HAUS7: variants seen among roughly 807,000 people sequenced by gnomAD.
HAUS7 encodes HAUS augmin-like complex subunit 7.
A neutral mutation model predicts 28.4 loss-of-function variants in HAUS7; 3 were observed. The ratio of observed to expected loss-of-function variants is 0.11; its 90% CI spans 0.05 to 0.27. The LOEUF (loss-of-function observed/expected upper bound fraction) is 0.27, where lower values mean the gene tolerates loss of function less well. Among genes scored for constraint, HAUS7 ranks in the 10% least tolerant of loss-of-function variants. HAUS7 has a pLI of 1.00. For synonymous variants in HAUS7, 165 were observed against 132.1 expected (o/e 1.25, Z -1.71); for missense variants, 284 against 297.3 (o/e 0.96, Z 0.33).
chrX:153,459,046 C>G (rs2089353461), intron 4 of HAUS7, among the ~76,000 whole-genome samples: 1 of 112,420 alleles, frequency 8.9e-6, no homozygotes. Flanking sequence ...GCATGAGCCA[C>G]CAGGCCCGGC....
At position 153,456,635 on chromosome X, in the gene HAUS7, C is replaced by T; in HGVS notation, c.463G>A (p.Glu155Lys). ...SSCSSLMEHF[E>K]DTREKNEALL... ...GCCTCGTTCTTCTCCCTGGTGTCCT[C>T]GAAGTGCTCCATCAGGCTGCAAAGG... The change falls in exon 6 of 10, where the codon GAG (glutamate) becomes AAG (lysine). Residue 155 changes from glutamate to lysine, a missense_variant. Transcript: ENST00000370211. 1 of 1,179,666 alleles carries T rather than the reference C, an allele frequency of 8.5e-7. No individual in the cohort carries two copies. The highest frequency in any genetic ancestry group is 1.1e-6 in the Non-Finnish European group (1 of 877,858).
intron 3 of HAUS7, chrX:153,463,147 C>T (rs1402587469): frequency 6.1e-6 from 2 of 329,095 alleles, no homozygotes; most frequent in Admixed American, 6.2e-5. Flanking sequence ...GGGAACCTGG[C>T]GCCGTGCACA....
intron 1 of HAUS7, among the ~76,000 whole-genome samples, chrX:153,476,508 G>A (rs1039444899): frequency 2.7e-5 from 3 of 112,010 alleles, no homozygotes; most frequent in South Asian, 7.4e-4. Context: ...GGGGGAGGAG[G>A]ACAAGGGACA....
chrX:153,468,762 G>A (rs1556984663), intron 2 of HAUS7, among the ~76,000 whole-genome samples: 2 of 112,646 alleles, frequency 1.8e-5, no homozygotes, highest in Non-Finnish European at 3.8e-5. Flanking sequence ...TGGGAGACCA[G>A]AGACTGTTCA....
At chrX:153,459,626 CTG>C (rs1248237020) in intron 4 of HAUS7, among the ~76,000 whole-genome samples, 2 of 111,904 alleles carry the variant, frequency 1.8e-5, no homozygotes, top group East Asian at 2.8e-4. Flanking sequence ...CTGCTGCTCT[CTG>C]TGTTTCCGCC....
At chrX:153,482,027 G>T in intron 1 of HAUS7, 2 of 376,447 alleles carry the variant, frequency 5.3e-6, no homozygotes, top group Non-Finnish European at 6.8e-6. Flanking sequence ...GGGTGGAGCT[G>T]CTTAGGGGGT....
At chrX:153,474,056 G>C (rs1247461616), upstream of HAUS7, among the ~76,000 whole-genome samples, 1 of 112,464 alleles carries the variant, frequency 8.9e-6, no homozygotes, top group Non-Finnish European at 1.9e-5. Flanking sequence ...ATGAGACAAG[G>C]AAGTGGCTGT....
At chrX:153,459,538 C>T (rs1351846262) in intron 4 of HAUS7, among the ~76,000 whole-genome samples, 5 of 111,491 alleles carry the variant, frequency 4.5e-5, no homozygotes, top group African/African-American at 9.8e-5. Context: ...CCTATGCTTA[C>T]GAGGCTCCCA....
chrX:153,456,219 G>C (rs1556982121), intron 7 of HAUS7, 46 bp downstream of exon 7: 5 of 1,017,140 alleles, frequency 4.9e-6, no homozygotes, highest in South Asian at 3.9e-5. Context: ...TGACAAAGCA[G>C]GGCCTTGCCT....
At chrX:153,459,501 C>T (rs1351083199) in intron 4 of HAUS7, among the ~76,000 whole-genome samples, 1 of 111,201 alleles carries the variant, frequency 9.0e-6, no homozygotes, top group African/African-American at 3.3e-5. Flanking sequence ...TTTGGGCATA[C>T]GTGAAGGGTG....
chrX:153,468,799 G>C (rs1217363876), intron 2 of HAUS7, among the ~76,000 whole-genome samples: 10 of 112,687 alleles, frequency 8.9e-5, no homozygotes, highest in African/African-American at 3.2e-4. Flanking sequence ...CTTGGCTTCC[G>C]GGTCTGAGAA....
Position 153,458,392 on chromosome X carries a change from G to T in HAUS7, c.355-1164C>A, listed in dbSNP as rs1016452272. On this transcript the variant is annotated intron_variant, in intron 4 of 9. Coordinates refer to ENST00000370211, the MANE Select transcript of HAUS7 (RefSeq NM_001385482.1). ...CCTATCTACATGCTGCACAGCAATGGAATCATACACTACCAAGCATGAGGC... is the reference window on the plus strand; with the variant it reads ...CCTATCTACATGCTGCACAGCAATGTAATCATACACTACCAAGCATGAGGC... Among the ~76,000 whole-genome samples, 4 of 113,094 alleles carry T rather than the reference G, an allele frequency of 3.5e-5. No individual in the cohort carries two copies. In the South Asian group the frequency reaches 1.4e-3, roughly 41 times the overall value.
At chrX:153,460,437 C>A (rs1270727084) in intron 4 of HAUS7, among the ~76,000 whole-genome samples, 2 of 111,311 alleles carry the variant, frequency 1.8e-5, no homozygotes, top group Admixed American at 1.9e-4. Flanking sequence ...ACAAGTTCTG[C>A]GGCTGGATGG....
intron 3 of HAUS7, among the ~76,000 whole-genome samples, chrX:153,463,864 C>T (rs782455416): frequency 8.9e-6 from 1 of 112,898 alleles, no homozygotes; most frequent in East Asian, 2.8e-4. Context: ...CCAAGCCCTG[C>T]AGGACCCTCA....
At position 153,484,614 on chromosome X, in the gene HAUS7, C is replaced by T. The variant is rs781915702; in HGVS notation, c.-589+10760G>A. On this transcript the variant is annotated intron_variant, in intron 1 of 5. Coordinates refer to the HAUS7 transcript ENST00000370210. ...GCGGGGGTCGACAGACAGTCTGACCCGCCATTCCAGGGACCAGAGCCTCCC... is the reference window on the plus strand; with the variant it reads ...GCGGGGGTCGACAGACAGTCTGACCTGCCATTCCAGGGACCAGAGCCTCCC... 4.4e-5 allele frequency among the ~76,000 whole-genome samples: 5 copies of T among 112,681 alleles called. No individual in the cohort carries two copies. In the East Asian group the frequency reaches 8.4e-4, roughly 19 times the overall value.
intron 1 of HAUS7, among the ~76,000 whole-genome samples, chrX:153,469,754 G>A (rs2089496789): frequency 8.9e-6 from 1 of 112,126 alleles, no homozygotes; most frequent in Admixed American, 9.4e-5. Flanking sequence ...CCTCTTTCAA[G>A]TACTCCCACT....
intron 9 of HAUS7, among the ~76,000 whole-genome samples, chrX:153,451,006 A>G (rs959047751): frequency 4.5e-5 from 5 of 112,265 alleles, no homozygotes; most frequent in African/African-American, 1.6e-4. Flanking sequence ...CAGGATGCTG[A>G]ACTGATGGGA....
intron 1 of HAUS7, among the ~76,000 whole-genome samples, chrX:153,476,033 C>G (rs1480740692): frequency 3.7e-5 from 2 of 53,546 alleles, no homozygotes; most frequent in African/African-American, 1.2e-4. Context: ...ACCCCACAGC[C>G]TGAGGGGGGC....
intron 1 of HAUS7, among the ~76,000 whole-genome samples, chrX:153,493,821 G>C (rs2089687500): frequency 8.9e-6 from 1 of 111,944 alleles, no homozygotes; most frequent in South Asian, 3.8e-4. Context: ...CCCCCCGGTT[G>C]AGTGATGGCA....
Sources: gnomAD v4.1 joint callset for allele counts (sites outside exome capture counted in the v4.1 genomes callset) on GRCh38, gnomAD v4.1.1 for gene constraint, MANE v1.5 for transcripts, NCBI Gene and HGNC (gene_info 2026-07-23, HGNC 2026-07-21) for gene names.